Variants in PCDHA4 observed in about 807,000 individuals in gnomAD.
PCDHA4 encodes protocadherin alpha-4.
A neutral mutation model predicts 61.4 loss-of-function variants in PCDHA4; 49 were observed. The observed-to-expected ratio is 0.80, with a 90% CI of 0.63 to 1.01. The LOEUF (loss-of-function observed/expected upper bound fraction) is 1.01. Among genes scored for constraint, PCDHA4 ranks in the 50% least tolerant of loss-of-function variants. The pLI, the probability that PCDHA4 is intolerant of heterozygous loss-of-function variation, is 0.00. For synonymous variants in PCDHA4, 590 were observed against 550.3 expected, an observed-to-expected ratio of 1.07 and a Z score of -1.01; for missense variants, 1,254 against 1,235.8, an observed-to-expected ratio of 1.01 and a Z score of -0.22.
intron 1 of PCDHA4, among the ~76,000 whole-genome samples, chr5:140,891,255 A>C (rs1313851741): frequency 6.6e-6 from 1 of 151,868 alleles, no homozygotes; most frequent in Non-Finnish European, 1.5e-5. Context: ...GATTTTTTTT[A>C]ATTTTTAATT....
chr5:140,849,017 C>G, intron 1 of PCDHA4: 1 of 1,588,278 alleles, frequency 6.3e-7, no homozygotes, highest in Non-Finnish European at 8.6e-7. Context: ...GACTGAGCCC[C>G]AATGAGTATT....
chr5:140,979,020 C>T lies in PCDHA4; in HGVS notation c.2444+13C>T. The T allele has an allele frequency of 6.2e-7, 1 of 1,613,708 alleles. No individual in the cohort carries two copies. Among genetic ancestry groups the T allele is most frequent in the Non-Finnish European group, 8.5e-7 (1 of 1,179,840 alleles). On this transcript the variant is annotated intron_variant, in intron 2 of 3. Transcript: ENST00000530339. ...CAGGCATGCACAGGTATGTATTTCC[C>T]TCCTCATTCACTCAGAAGTAACCTT...
chr5:140,943,346 G>C (rs2153662502), intron 1 of PCDHA4, among the ~76,000 whole-genome samples: 1 of 151,738 alleles, frequency 6.6e-6, no homozygotes, highest in East Asian at 1.9e-4. Context: ...GACAGGATGA[G>C]AGTAGAGGAA....
chr5:140,822,604 G>A, intron 1 of PCDHA4: 1 of 1,608,228 alleles, frequency 6.2e-7, no homozygotes, highest in Non-Finnish European at 8.5e-7. Context: ...TAAGGAAATA[G>A]TGTATTTCTT....
At chr5:140,842,527 G>T in intron 1 of PCDHA4, 1 of 1,613,310 alleles carries the variant, frequency 6.2e-7, no homozygotes, top group Non-Finnish European at 8.5e-7. Flanking sequence ...CCACCTTCAA[G>T]AATTACTACT....
At chr5:140,846,314 A>T (rs888599535) in intron 1 of PCDHA4, among the ~76,000 whole-genome samples, 1 of 148,000 alleles carries the variant, frequency 6.8e-6, no homozygotes, top group African/African-American at 2.5e-5. Context: ...CCATTTATGT[A>T]GAGTGTTGTA....
Position 140,893,828 on chromosome 5 carries a change from C to T in PCDHA4, c.2385+84256C>T, listed in dbSNP as rs144587014. Among the ~76,000 whole-genome samples the T allele has an allele frequency of 1.9e-3, 290 of 152,282 alleles. 1 individual carries two copies. Among genetic ancestry groups the T allele is most frequent in the African/African-American group, 6.6e-3 (275 of 41,556 alleles). ...CTTGAGTCTGGTACCGTAGACTACT[C>T]AGCCATCCTGATGCCCTACCTCTTG... On this transcript the variant is annotated intron_variant, in intron 1 of 3. Coordinates refer to ENST00000530339, the MANE Select transcript of PCDHA4 (RefSeq NM_018907.4).
In PCDHA4 at chr5:140,808,135, T is replaced by C; in HGVS notation, c.948T>C (p.Tyr316=). The change falls in exon 1 of 4, where the codon TAT becomes TAC. Residue 316 remains tyrosine, a synonymous_variant. Coordinates refer to ENST00000530339, the MANE Select transcript of PCDHA4 (RefSeq NM_018907.4). ...GYIDFEESKS[Y]EIIVEGIDKG... ...TTGACTTTGAAGAAAGCAAATCCTA[T>C]GAAATTATTGTAGAGGGCATTGATA... 6.2e-7 allele frequency: 1 copy of C among 1,614,028 alleles called. No individual in the cohort carries two copies. The highest frequency in any genetic ancestry group is 8.5e-7 in the Non-Finnish European group (1 of 1,179,878).
In PCDHA4 at chr5:140,852,643, C is replaced by T. The variant is rs2150521089; in HGVS notation, c.2385+43071C>T. 453 of 958,790 alleles carry T rather than the reference C, an allele frequency of 4.7e-4. 23 individuals carry two copies. The African/African-American group carries it at 7.6e-3, about 16-fold the overall frequency. 59.4% of individuals were successfully genotyped at this position (958,790 alleles called of 1,614,324 possible). ...TGGTCTCTGAGCTCCTGTCATTAAA[C>T]CTATCTATATCTGTCTATCAGCACA... is the stretch of plus-strand genomic sequence containing the variant. On this transcript the variant is annotated intron_variant, in intron 1 of 3. Transcript: ENST00000530339.
rs1781426453 is a variant in PCDHA4, at chr5:140,848,298, G to A, written c.2385+38726G>A. On this transcript the variant is annotated intron_variant, in intron 1 of 3. Transcript: ENST00000530339. ...TATGTACTTACACTTTGGGCCACGTGATGTCACTCTTTGCCGCGATGTTCT... is the reference window on the plus strand; with the variant it reads ...TATGTACTTACACTTTGGGCCACGTAATGTCACTCTTTGCCGCGATGTTCT... 1.4e-5 allele frequency: 9 copies of A among 661,966 alleles called. 1 individual carries two copies. The Admixed American group carries it at 2.4e-4, about 18-fold the overall frequency. The allele number at this position is 661,966 out of a possible 1,614,324, so 41.0% of individuals were successfully genotyped here. A position where few individuals can be genotyped will look rare whatever the true frequency, so the allele number is the denominator to read the frequency against.
At chr5:140,842,323 C>T (rs2150334082) in intron 1 of PCDHA4, 26 of 1,607,134 alleles carry the variant, frequency 1.6e-5, no homozygotes, top group Non-Finnish European at 2.2e-5. Flanking sequence ...CGGGTCATTG[C>T]ACCGTTTTAG....
rs376697527 is a variant in PCDHA4, at chr5:140,912,219, T to G, written c.2386-66730T>G. ...CCCAGATTGAGGGTAGATCTGCCTT[T>G]CCCAGTCCACTGACTCAAATGTTAA... On this transcript the variant is annotated intron_variant, in intron 1 of 3. Transcript: ENST00000530339. 4.3e-4 allele frequency among the ~76,000 whole-genome samples: 66 copies of G among 152,026 alleles called. 1 individual carries two copies. In the South Asian group the frequency reaches 0.013, roughly 30 times the overall value.
chr5:140,830,654 A>T (rs1554132964), intron 1 of PCDHA4: 1 of 436,460 alleles, frequency 2.3e-6, no homozygotes, highest in African/African-American at 2.1e-5. Context: ...TTTAATATTC[A>T]TAATTTAAGT....
chr5:140,877,375 C>T (rs782650940), intron 1 of PCDHA4: 4 of 1,614,006 alleles, frequency 2.5e-6, no homozygotes, highest in South Asian at 1.1e-5. Flanking sequence ...CAGCACGACA[C>T]GCATCCTGGA....
intron 1 of PCDHA4, chr5:140,883,843 C>G: frequency 6.2e-7 from 1 of 1,612,786 alleles, no homozygotes; most frequent in Non-Finnish European, 8.5e-7. Context: ...CGTTGGACCA[C>G]GAGGAGCTGG....
chr5:140,836,482 T>C, intron 1 of PCDHA4: 2 of 1,613,884 alleles, frequency 1.2e-6, no homozygotes, highest in Middle Eastern at 1.7e-4. Flanking sequence ...AACGTGTACC[T>C]GATCATCGCC....
Position 140,923,530 on chromosome 5 carries a change from A to G in PCDHA4, c.2386-55419A>G, listed in dbSNP as rs115719485. On this transcript the variant is annotated intron_variant, in intron 1 of 3. Coordinates refer to ENST00000530339, the MANE Select transcript of PCDHA4 (RefSeq NM_018907.4). ...GATGATGAAGTGAGATTCTGTCCCAAAAAAAGGACAAAATGAAATATCAGC... is the reference window on the plus strand; with the variant it reads ...GATGATGAAGTGAGATTCTGTCCCAGAAAAAGGACAAAATGAAATATCAGC... Among the ~76,000 whole-genome samples, 836 of 152,264 alleles carry G rather than the reference A, an allele frequency of 5.5e-3. 5 individuals carry two copies. The highest frequency in any genetic ancestry group is 0.019 in the African/African-American group (794 of 41,534).
chr5:140,904,189 C>G (rs1436545458), intron 1 of PCDHA4, among the ~76,000 whole-genome samples: 1 of 151,968 alleles, frequency 6.6e-6, no homozygotes, highest in Non-Finnish European at 1.5e-5. Context: ...CCCCTTCCCA[C>G]CCTTTCCCCC....
At chr5:140,987,565 T>C (rs1407426548) in intron 3 of PCDHA4, among the ~76,000 whole-genome samples, 1 of 152,344 alleles carries the variant, frequency 6.6e-6, no homozygotes, top group East Asian at 1.9e-4. Flanking sequence ...TCTCAGTTTC[T>C]TTCTCTATAA....
Sources: allele counts gnomAD v4.1 joint callset (sites outside exome capture counted in the v4.1 genomes callset), GRCh38; gene constraint gnomAD v4.1.1; transcripts MANE v1.5; gene names NCBI Gene and HGNC (gene_info 2026-07-23, HGNC 2026-07-21).